DAB1: variants seen among roughly 807,000 people sequenced by gnomAD.
DAB1 encodes DAB adaptor protein 1, also known as disabled homolog 1.
Under a neutral mutation model 64.6 loss-of-function variants are expected in DAB1, and 15 were observed. That is an observed-to-expected ratio of 0.23 (90% CI 0.16 to 0.36). The LOEUF (loss-of-function observed/expected upper bound fraction) is 0.36, where lower values mean the gene tolerates loss of function less well. Ranked by LOEUF, DAB1 falls within the 10% of genes least tolerant of loss-of-function variation. The pLI, the probability that DAB1 is intolerant of heterozygous loss-of-function variation, is 1.00. For missense variants in DAB1, 596 were observed against 706.7 expected, an observed-to-expected ratio of 0.84 and a Z score of 1.78; for synonymous variants, 235 against 251.9, an observed-to-expected ratio of 0.93 and a Z score of 0.64.
intron 5 of DAB1, among the ~76,000 whole-genome samples, chr1:57,920,493 C>A (rs1243843072): frequency 6.6e-6 from 1 of 151,706 alleles, no homozygotes; most frequent in Non-Finnish European, 1.5e-5. Context: ...TTTTAATTTT[C>A]TTTTTTTTGA....
intron 5 of DAB1, among the ~76,000 whole-genome samples, chr1:57,917,300 C>T (rs1644741103): frequency 6.6e-6 from 1 of 151,948 alleles, no homozygotes; most frequent in African/African-American, 2.4e-5. Flanking sequence ...TGAGGTGTTC[C>T]TAAAGGATCC....
At chr1:57,476,958 C>CTTGTCGA (rs1024681885) in intron 7 of DAB1, among the ~76,000 whole-genome samples, 10 of 152,188 alleles carry the variant, frequency 6.6e-5, no homozygotes, top group African/African-American at 2.4e-4. Context: ...CTTCCATTTC[C>CTTGTCGA]TTGTCGAGAA....
chr1:58,155,303 C>G (rs1280023783), intron 4 of DAB1, among the ~76,000 whole-genome samples: 4 of 152,194 alleles, frequency 2.6e-5, no homozygotes, highest in African/African-American at 4.8e-5. Flanking sequence ...CAGGGAACAT[C>G]TGGCAATGTC....
chr1:57,053,658 CT>C (rs1649416114), intron 9 of DAB1, among the ~76,000 whole-genome samples: 1 of 120,932 alleles, frequency 8.3e-6, no homozygotes, highest in South Asian at 2.9e-4. Flanking sequence ...CTCTCTCTCT[CT>C]CTATATGTAT....
intron 3 of DAB1, among the ~76,000 whole-genome samples, chr1:58,358,942 T>TAACA (rs1424757349): frequency 1.2e-4 from 2 of 17,342 alleles, no homozygotes; most frequent in African/African-American, 4.2e-4. Context: ...TCTCTCTCTC[T>TAACA]CTCTCTCTGT....
At chr1:58,542,000 G>C (rs936725781) in intron 1 of DAB1, among the ~76,000 whole-genome samples, 1 of 152,138 alleles carries the variant, frequency 6.6e-6, no homozygotes, top group Non-Finnish European at 1.5e-5. Flanking sequence ...ATATTATCTA[G>C]AAAGATGCTC....
chr1:57,661,344 A>C (rs1646384091), intron 6 of DAB1, among the ~76,000 whole-genome samples: 1 of 151,976 alleles, frequency 6.6e-6, no homozygotes, highest in South Asian at 2.1e-4. Context: ...ATTATACTGA[A>C]CCTCACCAGC....
intron 2 of DAB1, among the ~76,000 whole-genome samples, chr1:58,519,611 C>T (rs1646228950): frequency 6.6e-6 from 1 of 152,162 alleles, no homozygotes; most frequent in Non-Finnish European, 1.5e-5. Flanking sequence ...GCCAACAGAA[C>T]TGTTTATATG....
intron 5 of DAB1, among the ~76,000 whole-genome samples, chr1:57,939,181 T>C (rs192665554): frequency 2.0e-5 from 3 of 152,128 alleles, no homozygotes; most frequent in Non-Finnish European, 2.9e-5. Flanking sequence ...TATTCTCACA[T>C]GGCAGAGAGA....
chr1:57,010,772 A>C lies in DAB1; in HGVS notation c.1591T>G (p.Ser531Ala). Residue 531 changes from serine to alanine, a missense_variant, in exon 14 of 15, where the codon TCA (serine) becomes GCA (alanine). Physicochemically the swap from Ser to Ala is moderately conservative, Grantham distance 99. This residue lies in a region of DAB1 where 377 missense variants were observed against 400.4 expected (regional missense o/e 0.94). Coordinates refer to ENST00000371236, the MANE Select transcript of DAB1 (RefSeq NM_001365792.1). ...TCACCAAATGGATCACTGTTGGATG[A>C]GGCCTGTGATCCATCAGGCTAGAAC... ...EQEAPDGSQA[S>A]SNSDPFGEPS... 1 of 1,584,314 alleles carries C rather than the reference A, an allele frequency of 6.3e-7. No individual in the cohort carries two copies. The highest frequency in any genetic ancestry group is 8.6e-7 in the Non-Finnish European group (1 of 1,163,734).
In DAB1 at chr1:57,714,018, C is replaced by T. The variant is rs189795469; in HGVS notation, n.552-64353G>A. Among the ~76,000 whole-genome samples, 12 of 152,256 alleles carry T rather than the reference C, an allele frequency of 7.9e-5. No homozygotes were observed. In the East Asian group the frequency reaches 2.3e-3, roughly 29 times the overall value. ...GGCACAGTACCAGGCACTCAGGATA[C>T]AAGATGATACAACTACATTCCAGCC... On this transcript the variant is annotated intron_variant and non_coding_transcript_variant, in intron 6 of 20. Transcript: ENST00000485760.
intron 3 of DAB1, among the ~76,000 whole-genome samples, chr1:58,473,459 G>A (rs183855628): frequency 2.5e-4 from 38 of 151,956 alleles, no homozygotes; most frequent in Non-Finnish European, 3.2e-4. Flanking sequence ...GGAGAATGGC[G>A]TGAACCCGGG....
intron 5 of DAB1, among the ~76,000 whole-genome samples, chr1:57,985,517 G>A (rs983384204): frequency 2.6e-5 from 4 of 152,016 alleles, no homozygotes; most frequent in African/African-American, 4.8e-5. Context: ...CATAATATAC[G>A]CTTAATATGT....
At chr1:58,299,682 A>G (rs1380813717) in intron 4 of DAB1, among the ~76,000 whole-genome samples, 9 of 152,154 alleles carry the variant, frequency 5.9e-5, no homozygotes, top group Non-Finnish European at 1.3e-4. Context: ...AAGATGCTGT[A>G]TGTGGAATGT....
intron 3 of DAB1, among the ~76,000 whole-genome samples, chr1:58,402,348 C>T (rs1007522955): frequency 6.6e-5 from 10 of 152,148 alleles, no homozygotes; most frequent in African/African-American, 9.7e-5. Flanking sequence ...CCGCAAGAAA[C>T]GTGTAACTAG....
rs1651098069 is a variant in DAB1 at position 58,098,085 on chromosome 1, A to C, written n.387+52426T>G. Among the ~76,000 whole-genome samples the C allele has an allele frequency of 3.9e-5, 6 of 152,182 alleles. No individual in the cohort carries two copies. The South Asian group carries it at 1.2e-3, about 32-fold the overall frequency. ...GAGGATGCCACAACAAGCCCTAAGA[A>C]AACACGTTTAAGAAAATACATACAG... is the stretch of plus-strand genomic sequence containing the variant. On this transcript the variant is annotated intron_variant and non_coding_transcript_variant, in intron 5 of 20. Transcript: ENST00000485760.
intron 1 of DAB1, among the ~76,000 whole-genome samples, chr1:58,542,046 C>G (rs561594480): frequency 6.6e-6 from 1 of 152,148 alleles, no homozygotes; most frequent in African/African-American, 2.4e-5. Flanking sequence ...ATCTATATAT[C>G]AAACCATTTG....
chr1:57,528,990 T>C (rs763927151), intron 7 of DAB1, among the ~76,000 whole-genome samples: 3 of 152,076 alleles, frequency 2.0e-5, no homozygotes, highest in Non-Finnish European at 4.4e-5. Flanking sequence ...TAAAGGACTA[T>C]TGACATCTTA....
At chr1:57,885,925 AATT>A (rs1162354643), upstream of DAB1, among the ~76,000 whole-genome samples, 1 of 152,214 alleles carries the variant, frequency 6.6e-6, no homozygotes, top group Non-Finnish European at 1.5e-5. Context: ...CAACAAATAT[AATT>A]AATTACAAGC....
Sources: gnomAD v4.1 joint callset for allele counts (sites outside exome capture counted in the v4.1 genomes callset) on GRCh38, gnomAD v4.1.1 for gene constraint, gnomAD v4.1.1 regional missense constraint, MANE v1.5 for transcripts, NCBI Gene and HGNC (gene_info 2026-07-23, HGNC 2026-07-21) for gene names.